Variants in RCC1 observed in about 807,000 individuals in gnomAD.
The protein encoded by RCC1 is regulator of chromosome condensation.
In RCC1, 11 loss-of-function variants were observed where a neutral mutation model predicts 44.4. The ratio of observed to expected loss-of-function variants is 0.25; its 90% CI spans 0.16 to 0.41. The LOEUF (loss-of-function observed/expected upper bound fraction) is 0.41, where lower values mean the gene tolerates loss of function less well. RCC1 is among the 10% of genes least tolerant of loss of function. The pLI is 1.00. For missense variants in RCC1, 386 were observed against 547.1 expected, an observed-to-expected ratio of 0.71 and a Z score of 2.94; for synonymous variants, 213 against 216.5, an observed-to-expected ratio of 0.98 and a Z score of 0.14.
chr1:28,508,800 G>C (rs775396573), intron 2 of RCC1, 30 bp from the exon 3 acceptor site: 2 of 518,264 alleles, frequency 3.9e-6, no homozygotes, highest in South Asian at 2.8e-5. Context: ...AGGATCTTCA[G>C]GAGTCTAATC....
chr1:28,525,457 A>T (rs1468258654), intron 4 of RCC1, among the ~76,000 whole-genome samples: 1 of 152,198 alleles, frequency 6.6e-6, no homozygotes, highest in African/African-American at 2.4e-5. Context: ...AGAAGTAGTC[A>T]TTGCATCCCC....
In RCC1 at chr1:28,516,721, G is replaced by A; in HGVS notation, c.-152-4G>A. On this transcript the variant is annotated splice_region_variant and splice_polypyrimidine_tract_variant and intron_variant, in intron 3 of 12. Coordinates refer to ENST00000683442, the MANE Select transcript of RCC1 (RefSeq NM_001381865.2). ...TAATAATCACTTATTATTATTACAT[G>A]AAGCTACATGAATGTGTAAGATCTT... is the stretch of plus-strand genomic sequence containing the variant. The A allele has an allele frequency of 2.6e-6, 1 of 385,778 alleles. No individual in the cohort carries two copies. Among genetic ancestry groups the A allele is most frequent in the Non-Finnish European group, 5.1e-6 (1 of 196,408 alleles). The allele number at this position is 385,778 out of a possible 1,614,324, so 23.9% of individuals were successfully genotyped here. A position where few individuals can be genotyped will look rare whatever the true frequency, so the allele number is the denominator to read the frequency against.
chr1:28,507,169 T>C, intron 1 of RCC1: 3 of 339,586 alleles, frequency 8.8e-6, no homozygotes, highest in Non-Finnish European at 1.8e-5. Context: ...ACCTTCCACA[T>C]AGTACTAACC....
Position 28,535,060 on chromosome 1 carries a change from G to T in RCC1, c.452G>T (p.Gly151Val). 6.2e-7 allele frequency: 1 copy of T among 1,613,150 alleles called. No individual in the cohort carries two copies. The change falls in exon 8 of 13, where the codon GGT becomes GTT. Residue 151 changes from glycine (G) to valine (V), a missense_variant. Physicochemically the swap from Gly to Val is moderately radical, Grantham distance 109. Coordinates refer to ENST00000683442, the MANE Select transcript of RCC1 (RefSeq NM_001381865.2). ...FLWGSFRDNN[G>V]VIGLLEPMKK... Reference sequence around the variant, plus strand: ...GTCCCTCCCTTCTAGGACAATAACGGTGTGATTGGACTGTTGGAGCCCATG... The same window carrying T: ...GTCCCTCCCTTCTAGGACAATAACGTTGTGATTGGACTGTTGGAGCCCATG...
intron 4 of RCC1, among the ~76,000 whole-genome samples, chr1:28,527,697 A>G (rs1663762700): frequency 6.6e-6 from 1 of 152,192 alleles, no homozygotes; most frequent in Non-Finnish European, 1.5e-5. Flanking sequence ...TTAATTTTTT[A>G]CAACAGACTT....
At chr1:28,511,974 TC>T (rs200295764) in intron 3 of RCC1, among the ~76,000 whole-genome samples, 3,824 of 119,278 alleles carry the variant, frequency 0.032, 222 homozygotes, top group African/African-American at 0.15. Flanking sequence ...TCAAGCCTGA[TC>T]CTTTTTTTTT....
At chr1:28,521,396 G>A (rs1663264553) in intron 4 of RCC1, among the ~76,000 whole-genome samples, 1 of 151,752 alleles carries the variant, frequency 6.6e-6, no homozygotes, top group Non-Finnish European at 1.5e-5. Context: ...AGCTACTCGG[G>A]AGGCTGAGGC....
At position 28,535,873 on chromosome 1, in the gene RCC1, C is replaced by A; in HGVS notation, c.664C>A (p.Arg222=). The A allele has an allele frequency of 6.2e-7, 1 of 1,611,294 alleles. No individual in the cohort carries two copies. The highest frequency in any genetic ancestry group is 1.1e-5 in the South Asian group (1 of 90,750). The change falls in exon 10 of 13, where the codon CGA becomes AGA. Residue 222 remains arginine (R), a splice_region_variant and synonymous_variant. Coordinates refer to ENST00000683442, the MANE Select transcript of RCC1 (RefSeq NM_001381865.2). Reference sequence around the variant, plus strand: ...CGTGGCTTTCCCTTTGCCTGCAGAACGACTCCTGGTCCCCAAGTGTGTGAT... The same window carrying A: ...CGTGGCTTTCCCTTTGCCTGCAGAAAGACTCCTGGTCCCCAAGTGTGTGAT... ...ANRGGRQGLE[R]LLVPKCVMLK...
chr1:28,529,827 TTC>T (rs1227120807), intron 4 of RCC1, 29 bp from the exon 5 acceptor site: 1 of 1,563,586 alleles, frequency 6.4e-7, no homozygotes, highest in South Asian at 1.1e-5. Context: ...TGTTTGCCAT[TTC>T]TCATATGTAG....
intron 7 of RCC1, chr1:28,532,671 C>T (rs768399700): frequency 1.2e-5 from 6 of 499,986 alleles, no homozygotes; most frequent in Middle Eastern, 3.0e-4. Flanking sequence ...CTCACCTTGC[C>T]AGCACTGCCT....
chr1:28,506,201 CTT>C (rs56695711), intron 1 of RCC1, 117 bp downstream of exon 1: 1,538 of 389,872 alleles, frequency 3.9e-3, no homozygotes, highest in South Asian at 5.5e-3. Flanking sequence ...TATTTATTTA[CTT>C]TTTTTTTTTT....
intron 4 of RCC1, among the ~76,000 whole-genome samples, chr1:28,517,903 A>G (rs1304325118): frequency 6.6e-6 from 1 of 152,046 alleles, no homozygotes; most frequent in Non-Finnish European, 1.5e-5. Context: ...GGTTGTTGAT[A>G]GTCTGATTTT....
chr1:28,510,601 A>G (rs1037629150), intron 3 of RCC1: 2 of 152,192 alleles, frequency 1.3e-5, no homozygotes, highest in African/African-American at 4.8e-5. Context: ...AAGTCTCAAA[A>G]AAAAGGCATC....
intron 4 of RCC1, 82 bp from the exon 5 acceptor site, chr1:28,529,776 C>T: frequency 9.3e-7 from 1 of 1,070,536 alleles, no homozygotes; most frequent in Non-Finnish European, 1.4e-6. Context: ...TAACGTATTT[C>T]TAGAGTGTTT....
At chr1:28,532,960 C>CT (rs1336555335) in intron 7 of RCC1, among the ~76,000 whole-genome samples, 1 of 152,076 alleles carries the variant, frequency 6.6e-6, no homozygotes. Context: ...GGATTACAGG[C>CT]ATGCGCCACC....
At chr1:28,508,515 A>G (rs1403487355) in intron 2 of RCC1, 1 of 495,224 alleles carries the variant, frequency 2.0e-6, no homozygotes, top group Non-Finnish European at 4.0e-6. Context: ...GTGATTAGCA[A>G]TATTGGATTT....
At position 28,506,049 on chromosome 1, in the gene RCC1, T is replaced by C. The variant is rs1250904007; in HGVS notation, c.-297T>C. ...TGCTTCGCGTTTTCTCTCTCCTTTT[T>C]GGAGACAGATTCGCAGTGGTCGCTT... On this transcript the variant is annotated 5_prime_UTR_variant, in exon 1 of 13. Transcript: ENST00000683442. The C allele has an allele frequency of 6.6e-6, 3 of 456,100 alleles. 1 individual carries two copies. The highest frequency in any genetic ancestry group is 3.1e-5 in the South Asian group (2 of 64,568). 28.3% of individuals were successfully genotyped at this position (456,100 alleles called of 1,614,324 possible). A position where few individuals can be genotyped will look rare whatever the true frequency, so the allele number is the denominator to read the frequency against.
chr1:28,530,609 C>A (rs779707090), intron 5 of RCC1: 4 of 1,603,458 alleles, frequency 2.5e-6, no homozygotes, highest in African/African-American at 2.7e-5. Context: ...CCAGAAAACC[C>A]GACCAGGTGG....
At chr1:28,523,718 A>G (rs1663451873) in intron 4 of RCC1, among the ~76,000 whole-genome samples, 1 of 152,216 alleles carries the variant, frequency 6.6e-6, no homozygotes, top group Non-Finnish European at 1.5e-5. Flanking sequence ...TCATGCTAAT[A>G]CAGTCTCCCT....
Sources: gnomAD v4.1 joint callset for allele counts (sites outside exome capture counted in the v4.1 genomes callset) on GRCh38, gnomAD v4.1.1 for gene constraint, MANE v1.5 for transcripts, NCBI Gene and HGNC (gene_info 2026-07-23, HGNC 2026-07-21) for gene names.